CGREF1: variants seen among roughly 807,000 people sequenced by gnomAD.
The protein encoded by CGREF1 is cell growth regulator with EF-hand domain 1.
In CGREF1, 16 loss-of-function variants were observed where a neutral mutation model predicts 17.4. The observed-to-expected ratio is 0.92, with a 90% CI of 0.62 to 1.40. CGREF1 has a LOEUF of 1.40. CGREF1 is among the 40% of genes most tolerant of loss of function. CGREF1 has a pLI of 0.00. For synonymous variants in CGREF1, 142 were observed against 154.6 expected, an observed-to-expected ratio of 0.92 and a Z score of 0.61; for missense variants, 296 against 376.4, an observed-to-expected ratio of 0.79 and a Z score of 1.77.
chr2:27,104,369 T>C lies in CGREF1; in HGVS notation c.-3A>G, dbSNP rs552025586. The stretch of plus-strand genomic sequence containing the variant: ...ACTGTCATCGTCAAAGGTAACATCC[T>C]TCCTGGAACTGGAACAAGGAAGAGA... On this transcript the variant is annotated 5_prime_UTR_variant, in exon 2 of 6. Transcript: ENST00000402394. The C allele has an allele frequency of 1.1e-5, 17 of 1,613,446 alleles. No homozygotes were observed. In the Admixed American group the frequency reaches 1.3e-4, roughly 13 times the overall value.
intron 1 of CGREF1, among the ~76,000 whole-genome samples, chr2:27,108,551 G>A (rs1023012690): frequency 1.3e-5 from 2 of 152,056 alleles, no homozygotes; most frequent in African/African-American, 2.4e-5. Flanking sequence ...ACAATTCAAT[G>A]CAGATTAAAT....
At chr2:27,099,863 C>A (rs1670698055), downstream of CGREF1, 9 of 1,551,392 alleles carry the variant, frequency 5.8e-6, no homozygotes, top group Non-Finnish European at 7.0e-6. Context: ...CAGATGCAAG[C>A]TGTGGGGAGG....
At chr2:27,114,854 T>C (rs993999384) in intron 1 of CGREF1, among the ~76,000 whole-genome samples, 1 of 152,200 alleles carries the variant, frequency 6.6e-6, no homozygotes, top group African/African-American at 2.4e-5. Context: ...GAAATGTGCT[T>C]GTCTCCACAG....
Position 27,101,031 on chromosome 2 carries a change from T to TA in CGREF1, c.*242_*243insT. On this transcript the variant is annotated 3_prime_UTR_variant, in exon 6 of 6. Coordinates refer to ENST00000402394, the MANE Select transcript of CGREF1 (RefSeq NM_006569.6). ...CTTTCGGTCCCCAACCCCGTTCCTCTGAGAGGGTCTGGGCAGGCTGGACGG... is the reference window on the plus strand; with the variant it reads ...CTTTCGGTCCCCAACCCCGTTCCTCTAGAGAGGGTCTGGGCAGGCTGGACGG... 2 of 1,310,456 alleles carry TA rather than the reference T, an allele frequency of 1.5e-6. No homozygotes were observed. The highest frequency in any genetic ancestry group is 3.0e-5 in the African/African-American group (2 of 66,390). The allele number at this position is 1,310,456 out of a possible 1,614,324, so 81.2% of individuals were successfully genotyped here.
At chr2:27,109,185 T>C (rs1671250489) in intron 1 of CGREF1, among the ~76,000 whole-genome samples, 1 of 151,110 alleles carries the variant, frequency 6.6e-6, no homozygotes, top group African/African-American at 2.4e-5. Context: ...GCCTGGGCAA[T>C]ATAGTGAGAC....
At chr2:27,116,871 T>TTCTTTCTCTCTCTCTC (rs1671586370) in intron 1 of CGREF1, among the ~76,000 whole-genome samples, 1 of 33,682 alleles carries the variant, frequency 3.0e-5, no homozygotes, top group African/African-American at 1.0e-4. Flanking sequence ...GCCAGGCCTA[T>TTCTTTCTCTCTCTCTC]TCTCTCTCTC....
chr2:27,108,610 G>GAA (rs1053782218), intron 1 of CGREF1, among the ~76,000 whole-genome samples: 4 of 148,318 alleles, frequency 2.7e-5, no homozygotes, highest in African/African-American at 7.4e-5. Context: ...GAACACTCAA[G>GAA]AAAAAAAAAA....
chr2:27,117,772 G>A (rs1339256055), intron 1 of CGREF1, among the ~76,000 whole-genome samples: 1 of 145,898 alleles, frequency 6.9e-6, no homozygotes, highest in East Asian at 2.0e-4. Context: ...GCAATGGCAC[G>A]ATCTCGGCTC....
intron 1 of CGREF1, among the ~76,000 whole-genome samples, chr2:27,107,942 A>AG (rs907343227): frequency 1.3e-5 from 2 of 150,912 alleles, no homozygotes; most frequent in African/African-American, 4.9e-5. Context: ...TCAAAAAAAA[A>AG]AAAAAAAAGA....
chr2:27,099,917 G>A, downstream of CGREF1: 1 of 1,459,580 alleles, frequency 6.9e-7, no homozygotes, highest in Non-Finnish European at 9.4e-7. Context: ...AGGCTCTGGG[G>A]GGATGGCTGG....
At chr2:27,116,683 C>A (rs1671576027) in intron 1 of CGREF1, among the ~76,000 whole-genome samples, 1 of 151,298 alleles carries the variant, frequency 6.6e-6, no homozygotes, top group Admixed American at 6.6e-5. Context: ...GATTCTCCTG[C>A]CTCAGCCTCC....
Position 27,102,527 on chromosome 2 carries a change from C to G in CGREF1, c.145G>C (p.Gly49Arg). The G allele has an allele frequency of 1.2e-6, 2 of 1,614,044 alleles. No individual in the cohort carries two copies. Among genetic ancestry groups the G allele is most frequent in the East Asian group, 2.2e-5 (1 of 44,886 alleles). ...GCACCCCCGGCCCACCCTACTCACCCGAGCTGCTCCTGGCCTGGCTGGAAG... is the reference window on the plus strand; with the variant it reads ...GCACCCCCGGCCCACCCTACTCACCGGAGCTGCTCCTGGCCTGGCTGGAAG... Reference protein sequence around the residue: ...NPFQPGQEQLGLLQSYLKGLG... With the variant: ...NPFQPGQEQLRLLQSYLKGLG... Residue 49 changes from glycine to arginine, a missense_variant and splice_region_variant, in exon 3 of 6, where the codon GGA (glycine) becomes CGA (arginine). Transcript: ENST00000402394.
intron 1 of CGREF1, among the ~76,000 whole-genome samples, chr2:27,116,491 C>T (rs1022252946): frequency 6.6e-6 from 1 of 151,320 alleles, no homozygotes; most frequent in Non-Finnish European, 1.5e-5. Context: ...TGTGCCATTG[C>T]ACTCCAGCTG....
At chr2:27,112,770 G>C (rs1294124255) in intron 1 of CGREF1, among the ~76,000 whole-genome samples, 1 of 152,112 alleles carries the variant, frequency 6.6e-6, no homozygotes, top group Non-Finnish European at 1.5e-5. Context: ...AAGTTTAAAA[G>C]GAAAAAATGA....
intron 2 of CGREF1, among the ~76,000 whole-genome samples, chr2:27,103,686 T>C (rs1671000013): frequency 6.7e-6 from 1 of 149,676 alleles, no homozygotes; most frequent in Non-Finnish European, 1.5e-5. Flanking sequence ...CCTCAAGGTC[T>C]TGATAACAAA....
chr2:27,101,802 C>T lies in CGREF1; in HGVS notation c.429G>A (p.Pro143=), dbSNP rs142435671. ...LMTPAELINF[P]GVALRHVEPG... ...GCTCCACGTGCCTGAGGGCTACTCC[C>T]GGGAAGTTGATGAGCTCAGCAGGGG... The change falls in exon 6 of 6, where the codon CCG becomes CCA. Residue 143 remains proline, a synonymous_variant. Transcript: ENST00000402394. 6.2e-6 allele frequency: 10 copies of T among 1,614,180 alleles called. No homozygotes were observed. Among genetic ancestry groups the T allele is most frequent in the African/African-American group, 4.0e-5 (3 of 75,046 alleles).
Position 27,103,961 on chromosome 2 carries a change from C to T in CGREF1, c.80+326G>A, listed in dbSNP as rs554543920. Among the ~76,000 whole-genome samples the T allele has an allele frequency of 2.5e-3, 381 of 152,162 alleles. 3 individuals are homozygous for T. The highest frequency in any genetic ancestry group is 8.7e-3 in the African/African-American group (361 of 41,540). On this transcript the variant is annotated intron_variant, in intron 2 of 5. Transcript: ENST00000402394. ...TCATGCCACTGCACTCCAGCCTGGG[C>T]GACAGAGTAAGACTCTGTCTCAAGA...
At chr2:27,116,741 G>T (rs993307796) in intron 1 of CGREF1, among the ~76,000 whole-genome samples, 5 of 146,774 alleles carry the variant, frequency 3.4e-5, no homozygotes, top group African/African-American at 1.0e-4. Flanking sequence ...TGCTAATTTT[G>T]TATTTTTAGT....
chr2:27,099,953 A>C, downstream of CGREF1: 1 of 1,166,532 alleles, frequency 8.6e-7, no homozygotes, highest in South Asian at 1.3e-5. Context: ...AGAGCAAATA[A>C]ATCTTCCTCA....
Sources: allele counts gnomAD v4.1 joint callset (sites outside exome capture counted in the v4.1 genomes callset), GRCh38; gene constraint gnomAD v4.1.1; transcripts MANE v1.5; gene names NCBI Gene and HGNC (gene_info 2026-07-23, HGNC 2026-07-21).